Variants in TAFA1 observed in about 807,000 individuals in gnomAD.
TAFA1 encodes TAFA chemokine like family member 1.
TAFA1 carries 4 observed loss-of-function variants against 18.5 expected under a neutral mutation model. The observed-to-expected ratio is 0.22, with a 90% confidence interval of 0.11 to 0.49. TAFA1 has a LOEUF of 0.49. Among genes scored for constraint, TAFA1 ranks in the 20% least tolerant of loss-of-function variants. TAFA1 has a pLI of 0.98. For synonymous variants in TAFA1, 56 were observed against 55.2 expected, an observed-to-expected ratio of 1.01 and a Z score of -0.06; for missense variants, 147 against 169.0, an observed-to-expected ratio of 0.87 and a Z score of 0.72.
At chr3:68,300,584 T>C (rs1329570817) in intron 2 of TAFA1, among the ~76,000 whole-genome samples, 3 of 152,208 alleles carry the variant, frequency 2.0e-5, no homozygotes, top group African/African-American at 7.2e-5. Context: ...GAAGGCATGA[T>C]TGGTTTTGAA....
chr3:68,455,544 G>C (rs1347320270), intron 3 of TAFA1, among the ~76,000 whole-genome samples: 1 of 152,050 alleles, frequency 6.6e-6, no homozygotes, highest in Non-Finnish European at 1.5e-5. Flanking sequence ...CTCATCATCA[G>C]GTTTCGATGC....
At position 68,329,216 on chromosome 3, in the gene TAFA1, C is replaced by CTTTTTTTTTTTTTTTT. The variant is rs10681423; in HGVS notation, c.119-88056_119-88041dup. On this transcript the variant is annotated intron_variant, in intron 2 of 4. Transcript: ENST00000478136. ...GGTGTGCACAACCATGCCTGGCTGC[C>CTTTTTTTTTTTTTTTT]TTTTTTTTTTTTTTTTTTTTTTTGT... is the stretch of plus-strand genomic sequence containing the variant. Among the ~76,000 whole-genome samples the CTTTTTTTTTTTTTTTT allele has an allele frequency of 1.3e-3, 119 of 89,000 alleles. 1 individual carries two copies. Among genetic ancestry groups the CTTTTTTTTTTTTTTTT allele is most frequent in the Non-Finnish European group, 1.6e-3 (77 of 49,534 alleles). 58.4% of individuals were successfully genotyped at this position (89,000 alleles called of 152,430 possible). A position where few individuals can be genotyped will look rare whatever the true frequency, so the allele number is the denominator to read the frequency against.
intron 2 of TAFA1, among the ~76,000 whole-genome samples, chr3:68,086,446 A>G (rs1211873854): frequency 3.9e-5 from 6 of 152,270 alleles, no homozygotes; most frequent in Admixed American, 1.3e-4. Flanking sequence ...GTATGTCTCA[A>G]TTGTCTGAGT....
At chr3:68,221,496 A>G (rs903588573) in intron 2 of TAFA1, among the ~76,000 whole-genome samples, 4 of 152,128 alleles carry the variant, frequency 2.6e-5, no homozygotes, top group Admixed American at 1.3e-4. Context: ...TTTTGCAACA[A>G]TATCATTTTT....
chr3:68,020,752 T>C (rs1704670734), intron 2 of TAFA1, among the ~76,000 whole-genome samples: 1 of 152,220 alleles, frequency 6.6e-6, no homozygotes, highest in Admixed American at 6.5e-5. Context: ...TAGATTTTTA[T>C]GGTTAATCTC....
At chr3:68,116,233 C>T (rs2065323199) in intron 2 of TAFA1, among the ~76,000 whole-genome samples, 1 of 151,318 alleles carries the variant, frequency 6.6e-6, no homozygotes, top group Non-Finnish European at 1.5e-5. Flanking sequence ...CCAGCCTGGG[C>T]GACAAAGCAA....
chr3:68,073,075 G>A (rs1011544662), intron 2 of TAFA1, among the ~76,000 whole-genome samples: 2 of 152,120 alleles, frequency 1.3e-5, no homozygotes, highest in South Asian at 4.1e-4. Context: ...TTAAATTCCA[G>A]GCTTCCAAAG....
intron 3 of TAFA1, among the ~76,000 whole-genome samples, chr3:68,451,259 C>A (rs994532103): frequency 6.6e-6 from 1 of 152,122 alleles, no homozygotes; most frequent in Admixed American, 6.6e-5. Context: ...CTAGACAGTT[C>A]TTTTTGCCAT....
intron 2 of TAFA1, among the ~76,000 whole-genome samples, chr3:68,108,448 GTGTGTGTGTGTGTGCA>G (rs1287661244): frequency 5.2e-5 from 3 of 57,634 alleles, no homozygotes; most frequent in Non-Finnish European, 1.2e-4. Flanking sequence ...GTGTGTGTGT[GTGTGTGTGTGTGTGCA>G]TGTGTGTGTG....
intron 2 of TAFA1, among the ~76,000 whole-genome samples, chr3:68,034,145 A>G (rs1704996390): frequency 1.3e-5 from 2 of 152,182 alleles, no homozygotes; most frequent in Admixed American, 1.3e-4. Context: ...ATTATAGATT[A>G]AGCTAAATAA....
chr3:68,013,365 G>A (rs958831077), intron 2 of TAFA1, among the ~76,000 whole-genome samples: 5 of 152,098 alleles, frequency 3.3e-5, no homozygotes, highest in African/African-American at 1.2e-4. Flanking sequence ...CATGTATTAT[G>A]TGTGTATCTT....
chr3:68,353,395 T>C (rs2069306055), intron 2 of TAFA1, among the ~76,000 whole-genome samples: 1 of 152,112 alleles, frequency 6.6e-6, no homozygotes, highest in African/African-American at 2.4e-5. Flanking sequence ...GATTCTCACC[T>C]TATCGGTTTA....
chr3:68,291,515 A>G (rs1298448570), intron 2 of TAFA1, among the ~76,000 whole-genome samples: 1 of 152,138 alleles, frequency 6.6e-6, no homozygotes, highest in East Asian at 1.9e-4. Context: ...TGGTGGAGGG[A>G]GATTTTGACC....
At chr3:68,288,726 A>G (rs1242388169) in intron 2 of TAFA1, among the ~76,000 whole-genome samples, 4 of 152,222 alleles carry the variant, frequency 2.6e-5, no homozygotes, top group South Asian at 2.1e-4. Context: ...TGAGAACTCC[A>G]TCTGTATTAA....
intron 3 of TAFA1, among the ~76,000 whole-genome samples, chr3:68,507,935 C>A (rs1005936217): frequency 1.3e-5 from 2 of 152,078 alleles, no homozygotes; most frequent in Non-Finnish European, 2.9e-5. Flanking sequence ...GCAAGATATA[C>A]CAAAAAATCT....
chr3:68,520,063 A>T (rs1388851314), intron 3 of TAFA1, among the ~76,000 whole-genome samples: 1 of 152,202 alleles, frequency 6.6e-6, no homozygotes, highest in Non-Finnish European at 1.5e-5. Flanking sequence ...CAGTTTGCCT[A>T]TACTCAGAAT....
intron 2 of TAFA1, among the ~76,000 whole-genome samples, chr3:68,157,933 G>C (rs960739154): frequency 3.9e-5 from 6 of 152,240 alleles, no homozygotes; most frequent in African/African-American, 1.4e-4. Flanking sequence ...GTGAGGTCTG[G>C]CCAACTTTCA....
intron 2 of TAFA1, among the ~76,000 whole-genome samples, chr3:68,388,727 A>G (rs575894807): frequency 6.6e-6 from 1 of 152,274 alleles, no homozygotes; most frequent in East Asian, 1.9e-4. Context: ...ATCATTCTTA[A>G]AAAAGACATT....
In TAFA1 at chr3:68,199,909, G is replaced by C. The variant is rs142191736; in HGVS notation, c.118+193165G>C. On this transcript the variant is annotated intron_variant, in intron 2 of 4. Transcript: ENST00000478136. ...AGGAGTGGTGAGAGGCGACACCCTT[G>C]CATTGTTTTTGATCTTAGTGGGAAA... Among the ~76,000 whole-genome samples, 366 of 151,588 alleles carry C rather than the reference G, an allele frequency of 2.4e-3. 3 individuals are homozygous for C. Among genetic ancestry groups the C allele is most frequent in the African/African-American group, 8.4e-3 (348 of 41,486 alleles).
Sources: allele counts gnomAD v4.1 joint callset (sites outside exome capture counted in the v4.1 genomes callset), GRCh38; gene constraint gnomAD v4.1.1; transcripts MANE v1.5; gene names NCBI Gene and HGNC (gene_info 2026-07-23, HGNC 2026-07-21).